LRRTM4: variants seen among roughly 807,000 people sequenced by gnomAD.
LRRTM4 encodes the protein leucine rich repeat transmembrane neuronal 4, also known as leucine-rich repeat transmembrane neuronal protein 4.
LRRTM4 carries 25 observed loss-of-function variants against 47.6 expected under a neutral mutation model. That is an observed-to-expected ratio of 0.53 (90% CI 0.38 to 0.73). LRRTM4 has a LOEUF of 0.73. Ranked by LOEUF, LRRTM4 falls within the 30% of genes least tolerant of loss-of-function variation. LRRTM4 has a pLI of 0.00. For synonymous variants in LRRTM4, 311 were observed against 269.5 expected (o/e 1.15, Z -1.51); for missense variants, 638 against 713.4 (o/e 0.89, Z 1.20).
intron 3 of LRRTM4, among the ~76,000 whole-genome samples, chr2:77,362,978 T>C (rs1170234793): frequency 1.3e-5 from 2 of 152,192 alleles, no homozygotes; most frequent in Non-Finnish European, 2.9e-5. Context: ...TGACTCTTTA[T>C]AAACATCCAT....
intron 3 of LRRTM4, among the ~76,000 whole-genome samples, chr2:77,433,276 T>A (rs1252161673): frequency 2.0e-5 from 3 of 152,104 alleles, no homozygotes; most frequent in Non-Finnish European, 4.4e-5. Flanking sequence ...TTTATTTCCT[T>A]AAAAATGAAA....
intron 3 of LRRTM4, among the ~76,000 whole-genome samples, chr2:77,045,498 C>T (rs937479186): frequency 6.6e-6 from 1 of 151,888 alleles, no homozygotes; most frequent in Non-Finnish European, 1.5e-5. Context: ...TGTGTCCCCA[C>T]CCAAATCTCA....
At chr2:76,935,420 G>A (rs1455212934) in intron 3 of LRRTM4, among the ~76,000 whole-genome samples, 1 of 152,022 alleles carries the variant, frequency 6.6e-6, no homozygotes, top group African/African-American at 2.4e-5. Context: ...GAATAGCATT[G>A]CATCTATAAA....
At chr2:77,204,980 G>T (rs1309850779) in intron 3 of LRRTM4, among the ~76,000 whole-genome samples, 1 of 152,180 alleles carries the variant, frequency 6.6e-6, no homozygotes, top group Non-Finnish European at 1.5e-5. Flanking sequence ...CCAAGTGAAA[G>T]TATAAGGCTG....
At chr2:77,051,163 G>A (rs187615396) in intron 3 of LRRTM4, among the ~76,000 whole-genome samples, 114 of 152,022 alleles carry the variant, frequency 7.5e-4, no homozygotes, top group African/African-American at 2.7e-3. Context: ...CATCTAGTGG[G>A]CAAAGATCAG....
chr2:76,754,621 T>C (rs1672963713), intron 3 of LRRTM4, among the ~76,000 whole-genome samples: 1 of 152,190 alleles, frequency 6.6e-6, no homozygotes, highest in Admixed American at 6.5e-5. Flanking sequence ...TCCCAAGTTT[T>C]ACGTATTCCA....
At chr2:76,871,495 A>C (rs1396740064) in intron 3 of LRRTM4, among the ~76,000 whole-genome samples, 1 of 152,132 alleles carries the variant, frequency 6.6e-6, no homozygotes. Flanking sequence ...TATTGAATTG[A>C]AAATCTTGTT....
At chr2:77,160,521 A>G (rs1672683602) in intron 3 of LRRTM4, among the ~76,000 whole-genome samples, 1 of 152,152 alleles carries the variant, frequency 6.6e-6, no homozygotes, top group Non-Finnish European at 1.5e-5. Context: ...AAACTTTAAA[A>G]GGCAGTCCTT....
chr2:76,841,914 A>G (rs893850380), intron 3 of LRRTM4, among the ~76,000 whole-genome samples: 7 of 152,184 alleles, frequency 4.6e-5, no homozygotes, highest in East Asian at 3.8e-4. Flanking sequence ...CTATGGGACA[A>G]TGGGCTCACA....
At chr2:77,115,939 A>G (rs1329532104) in intron 3 of LRRTM4, among the ~76,000 whole-genome samples, 2 of 152,012 alleles carry the variant, frequency 1.3e-5, no homozygotes, top group Non-Finnish European at 2.9e-5. Context: ...TAGCTTTCCA[A>G]CCAGATCTTC....
Position 76,748,177 on chromosome 2 carries a change from A to C in LRRTM4, c.*518T>G, listed in dbSNP as rs1672711140. ...TAGAAACTTGACCAGGAAAGAAAAA[A>C]ATTAAAACAAACAAAACAAGAACAA... On this transcript the variant is annotated 3_prime_UTR_variant, in exon 4 of 4. Transcript: ENST00000409884. The C allele has an allele frequency of 6.5e-6, 1 of 153,152 alleles. No homozygotes were observed. The highest frequency in any genetic ancestry group is 1.5e-5 in the Non-Finnish European group (1 of 68,788). 9.5% of individuals were successfully genotyped at this position (153,152 alleles called of 1,614,324 possible). A position where few individuals can be genotyped will look rare whatever the true frequency, so the allele number is the denominator to read the frequency against.
intron 3 of LRRTM4, among the ~76,000 whole-genome samples, chr2:77,244,922 C>T (rs1461827010): frequency 6.6e-6 from 1 of 152,090 alleles, no homozygotes; most frequent in Non-Finnish European, 1.5e-5. Flanking sequence ...AGATACTTTC[C>T]TGGTAGAGCC....
At chr2:77,006,857 A>C (rs1677670746) in intron 3 of LRRTM4, among the ~76,000 whole-genome samples, 1 of 152,090 alleles carries the variant, frequency 6.6e-6, no homozygotes, top group Non-Finnish European at 1.5e-5. Flanking sequence ...GTCAGAGCAG[A>C]CCTTAATCCT....
intron 3 of LRRTM4, among the ~76,000 whole-genome samples, chr2:77,004,708 T>C (rs1057214566): frequency 6.6e-6 from 1 of 152,108 alleles, no homozygotes; most frequent in Non-Finnish European, 1.5e-5. Flanking sequence ...ACTTTTGTCA[T>C]GCACCTGGAA....
intron 3 of LRRTM4, among the ~76,000 whole-genome samples, chr2:77,500,313 A>G (rs999509661): frequency 6.6e-6 from 1 of 151,772 alleles, no homozygotes; most frequent in Non-Finnish European, 1.5e-5. Flanking sequence ...GTGAATTTGA[A>G]CAATGGATGG....
At chr2:77,048,279 T>C (rs575672549) in intron 3 of LRRTM4, among the ~76,000 whole-genome samples, 1 of 152,062 alleles carries the variant, frequency 6.6e-6, no homozygotes. Context: ...GCTGAAGTAT[T>C]GGCGTGAGAA....
At chr2:77,195,221 C>T (rs1673776644) in intron 3 of LRRTM4, among the ~76,000 whole-genome samples, 1 of 151,688 alleles carries the variant, frequency 6.6e-6, no homozygotes, top group African/African-American at 2.4e-5. Context: ...AATTTTCTCC[C>T]ATTGTATTTG....
intron 3 of LRRTM4, among the ~76,000 whole-genome samples, chr2:77,447,766 A>T (rs948499598): frequency 6.6e-6 from 1 of 152,114 alleles, no homozygotes; most frequent in African/African-American, 2.4e-5. Context: ...GTATTGCACA[A>T]TTATGCAGAG....
intron 3 of LRRTM4, among the ~76,000 whole-genome samples, chr2:76,766,424 C>T (rs188198236): frequency 6.2e-4 from 94 of 152,244 alleles, no homozygotes; most frequent in East Asian, 1.5e-3. Context: ...CAAAGGACCA[C>T]GACTACTGAA....
Sources: gnomAD v4.1 joint callset for allele counts (sites outside exome capture counted in the v4.1 genomes callset) on GRCh38, gnomAD v4.1.1 for gene constraint, MANE v1.5 for transcripts, NCBI Gene and HGNC (gene_info 2026-07-23, HGNC 2026-07-21) for gene names.